Variants in DPP9 observed in about 807,000 individuals in gnomAD.
DPP9 encodes dipeptidyl peptidase 9, also known as dipeptidyl peptidase IV-related protein-2.
A neutral mutation model predicts 110.7 loss-of-function variants in DPP9; 50 were observed. That is an observed-to-expected ratio of 0.45 (90% CI 0.36 to 0.57). The LOEUF (loss-of-function observed/expected upper bound fraction) is 0.57. DPP9 is among the 20% of genes least tolerant of loss of function. DPP9 has a pLI of 0.00. For synonymous variants in DPP9, 561 were observed against 514.4 expected (o/e 1.09, Z -1.23); for missense variants, 1,022 against 1,217.9 (o/e 0.84, Z 2.39).
rs751982618 is a variant in DPP9 at position 4,695,129 on chromosome 19, C to T, written c.1353+249G>A. ...CCACACCACTGCACTCTAGTCTGGG[C>T]AACAGAGCAACCCTGTCTCTAATTA... On this transcript the variant is annotated intron_variant, in intron 12 of 21. Transcript: ENST00000262960. This position sits in a 1 kb window ranked among gnomAD's most constrained non-coding sequence, Gnocchi z 4.7. 6.9e-6 allele frequency: 4 copies of T among 578,482 alleles called. No homozygotes were observed. In the South Asian group the frequency reaches 9.0e-5, roughly 13 times the overall value. 35.8% of individuals were successfully genotyped at this position (578,482 alleles called of 1,614,324 possible). A position where few individuals can be genotyped will look rare whatever the true frequency, so the allele number is the denominator to read the frequency against.
At chr19:4,701,120 C>T (rs6510821) in intron 9 of DPP9, among the ~76,000 whole-genome samples, 15,666 of 152,184 alleles carry the variant, frequency 0.1, 938 homozygotes, top group Middle Eastern at 0.18. Flanking sequence ...ATCTGGGCTG[C>T]ACGTGTGTTC....
At chr19:4,690,835 C>T (rs377605125) in intron 14 of DPP9, 43 bp downstream of exon 14, 4 of 1,502,500 alleles carry the variant, frequency 2.7e-6, no homozygotes, top group Non-Finnish European at 3.7e-6. Context: ...GTGTAAAACA[C>T]ACATGCATGG....
intron 19 of DPP9, chr19:4,683,119 G>A (rs1400279157): frequency 5.4e-6 from 8 of 1,471,628 alleles, no homozygotes; most frequent in East Asian, 5.6e-5. Flanking sequence ...CCTCCTCATC[G>A]CCGCCGCCCC....
intron 15 of DPP9, 92 bp from the exon 16 acceptor site, chr19:4,688,984 G>T (rs887229752): frequency 5.5e-5 from 67 of 1,214,994 alleles, no homozygotes; most frequent in Non-Finnish European, 6.4e-5. Context: ...CTTCCCTCCC[G>T]CCCGCCCCCA....
At position 4,698,908 on chromosome 19, in the gene DPP9, CA is replaced by C. The variant is rs1488292226; in HGVS notation, c.1075-1258del. Among the ~76,000 whole-genome samples the C allele has an allele frequency of 5.3e-5, 8 of 152,170 alleles. No homozygotes were observed. The East Asian group carries it at 1.5e-3, about 29-fold the overall frequency. On this transcript the variant is annotated intron_variant, in intron 10 of 21. Coordinates refer to ENST00000262960, the MANE Select transcript of DPP9 (RefSeq NM_139159.5). This position sits in a 1 kb window ranked among gnomAD's most constrained non-coding sequence, Gnocchi z 4.2. ...GTGTGGTGGCTCACACCTGTAATCC[CA>C]ACACTTTGGGAGGCCGAGGCGGGCG...
In DPP9 at chr19:4,687,868, G is replaced by C. The variant is rs1190913796; in HGVS notation, c.1885+889C>G. Among the ~76,000 whole-genome samples, 1 of 152,116 alleles carries C rather than the reference G, an allele frequency of 6.6e-6. No homozygotes were observed. Among genetic ancestry groups the C allele is most frequent in the East Asian group, 1.9e-4 (1 of 5,192 alleles). The stretch of plus-strand genomic sequence containing the variant: ...GCTAAAGTACAGTGGTGCGATCTCA[G>C]CTCACTGCAACCTCTGTGTCCTGGG... On this transcript the variant is annotated intron_variant, in intron 16 of 21. Transcript: ENST00000262960. The surrounding 1 kb of genome is among the most constrained non-coding windows in gnomAD (Gnocchi z 4.7).
In DPP9 at chr19:4,676,466, C is replaced by A. The variant is rs1386849348; in HGVS notation, c.*98G>T. On this transcript the variant is annotated 3_prime_UTR_variant, in exon 22 of 22. Transcript: ENST00000262960. This position sits in a 1 kb window ranked among gnomAD's most constrained non-coding sequence, Gnocchi z 4.0. Reference sequence around the variant, plus strand: ...GCCAGCGCTGGGCGGGACAAAGTGCCTCACTGGGGCCCGCGGGCCACTCAG... The same window carrying A: ...GCCAGCGCTGGGCGGGACAAAGTGCATCACTGGGGCCCGCGGGCCACTCAG... 16 of 1,079,458 alleles carry A rather than the reference C, an allele frequency of 1.5e-5. No homozygotes were observed. The Admixed American group carries it at 3.2e-4, about 22-fold the overall frequency. 66.9% of individuals were successfully genotyped at this position (1,079,458 alleles called of 1,614,324 possible). A position where few individuals can be genotyped will look rare whatever the true frequency, so the allele number is the denominator to read the frequency against.
In DPP9 at chr19:4,704,079, G is replaced by C; in HGVS notation, c.601-25C>G. 6.2e-7 allele frequency: 1 copy of C among 1,613,658 alleles called. No homozygotes were observed. Among genetic ancestry groups the C allele is most frequent in the Non-Finnish European group, 8.5e-7 (1 of 1,179,676 alleles). The stretch of plus-strand genomic sequence containing the variant: ...CCTGAGGACAGAGACGCCCAGCTCA[G>C]GGGGAGGGGCCCTCCACGCCACCCC... On this transcript the variant is annotated intron_variant, in intron 6 of 21. Transcript: ENST00000262960. The surrounding 1 kb of genome is among the most constrained non-coding windows in gnomAD (Gnocchi z 6.0).
In DPP9 at chr19:4,688,366, C is replaced by T. The variant is rs2090991287; in HGVS notation, c.1885+391G>A. The T allele has an allele frequency of 2.1e-5, 4 of 192,924 alleles. No individual in the cohort carries two copies. The East Asian group carries it at 4.8e-4, about 23-fold the overall frequency. The allele number at this position is 192,924 out of a possible 1,614,324, so 12.0% of individuals were successfully genotyped here. A position where few individuals can be genotyped will look rare whatever the true frequency, so the allele number is the denominator to read the frequency against. On this transcript the variant is annotated intron_variant, in intron 16 of 21. Transcript: ENST00000262960. The stretch of plus-strand genomic sequence containing the variant: ...GCAAGCAATCCTCCTGCCTTGGCCT[C>T]CCAAAGCATTGGGATTACAGGCAGA...
At chr19:4,692,762 A>G (rs1442983025) in intron 13 of DPP9, among the ~76,000 whole-genome samples, 1 of 152,144 alleles carries the variant, frequency 6.6e-6, no homozygotes, top group Non-Finnish European at 1.5e-5. Context: ...GAGCATTTAC[A>G]TGAAATCCCA....
chr19:4,719,752 G>C, intron 3 of DPP9, 99 bp downstream of exon 3: 1 of 1,380,388 alleles, frequency 7.2e-7, no homozygotes, highest in Non-Finnish European at 1.0e-6. Flanking sequence ...GGAAGCCAGG[G>C]GAGAGGGAAA....
At chr19:4,677,014 T>C (rs2145224018) in intron 21 of DPP9, among the ~76,000 whole-genome samples, 1 of 152,296 alleles carries the variant, frequency 6.6e-6, no homozygotes, top group South Asian at 2.1e-4. Flanking sequence ...GGCTGAGGCT[T>C]CAAGCCTCAG....
chr19:4,682,505 G>T lies in DPP9; in HGVS notation c.2474+191C>A, dbSNP rs2090044052. 6.6e-6 allele frequency among the ~76,000 whole-genome samples: 1 copy of T among 152,138 alleles called. No homozygotes were observed. The highest frequency in any genetic ancestry group is 1.5e-5 in the Non-Finnish European group (1 of 68,000). ...CCTGCAAGGTGCAGTGAGGAGGGAGGGTGGGCTGGAGGGGACTGTGAGGCA... is the reference window on the plus strand; with the variant it reads ...CCTGCAAGGTGCAGTGAGGAGGGAGTGTGGGCTGGAGGGGACTGTGAGGCA... On this transcript the variant is annotated intron_variant, in intron 20 of 21. Transcript: ENST00000262960. The surrounding 1 kb of genome is among the most constrained non-coding windows in gnomAD (Gnocchi z 7.1).
intron 20 of DPP9, among the ~76,000 whole-genome samples, chr19:4,681,100 G>T (rs2089810307): frequency 6.6e-6 from 1 of 152,186 alleles, no homozygotes; most frequent in Admixed American, 6.5e-5. Flanking sequence ...GTGGCCACAC[G>T]TCGCCGTTGA....
chr19:4,701,200 G>A (rs1219526687), intron 9 of DPP9, among the ~76,000 whole-genome samples: 1 of 152,202 alleles, frequency 6.6e-6, no homozygotes, highest in African/African-American at 2.4e-5. Context: ...CGGGCGTGTG[G>A]CTCACGTCTG....
intron 13 of DPP9, among the ~76,000 whole-genome samples, chr19:4,692,664 G>C (rs1425708165): frequency 2.0e-5 from 3 of 152,156 alleles, no homozygotes; most frequent in Non-Finnish European, 2.9e-5. Flanking sequence ...TGTGCCCCTG[G>C]AGAGTGGCAG....
rs1249150226 is a variant in DPP9, at chr19:4,685,659, G to T, written c.1998C>A (p.His666Gln). 6.2e-7 allele frequency: 1 copy of T among 1,611,898 alleles called. No homozygotes were observed. The highest frequency in any genetic ancestry group is 8.5e-7 in the Non-Finnish European group (1 of 1,179,266). ...CTCCATATACAAAGAGGACGGTGGG[G>T]TGCTTCTTCCCTGGCTGCAAGGCGT... is the stretch of plus-strand genomic sequence containing the variant. The part of the protein sequence containing the change: ...KPHALQPGKK[H>Q]PTVLFVYGGP... Residue 666 changes from histidine to glutamine, a missense_variant, in exon 17 of 22, where the codon CAC becomes CAA. Physicochemically the swap from His to Gln is conservative, Grantham distance 24. Transcript: ENST00000262960. The surrounding 1 kb of genome is among the most constrained non-coding windows in gnomAD (Gnocchi z 5.8).
chr19:4,684,677 G>A lies in DPP9; in HGVS notation c.2164C>T (p.Leu722=), dbSNP rs768529700. The change falls in exon 18 of 22, where the codon CTG becomes TTG. Residue 722 remains leucine (L), a synonymous_variant. Transcript: ENST00000262960. This position sits in a 1 kb window ranked among gnomAD's most constrained non-coding sequence, Gnocchi z 4.8. ...CQRGLRFEGA[L]KNQMGQVEIE... ...GGAGTTGTTACCATTTGGTTTTTCA[G>A]GGCCCCTTCGAACCGAAGCCCTCGC... 8.1e-6 allele frequency: 13 copies of A among 1,613,024 alleles called. No individual in the cohort carries two copies. In the East Asian group the frequency reaches 2.9e-4, roughly 36 times the overall value.
Position 4,700,239 on chromosome 19 carries a change from A to T in DPP9, c.1051T>A (p.Phe351Ile), listed in dbSNP as rs776614867. Reference protein sequence around the residue: ...NPKIALKLAEFQTDSQGKIVS... With the variant: ...NPKIALKLAEIQTDSQGKIVS... Reference sequence around the variant, plus strand: ...ACCTTGCCCTGGCTGTCAGTCTGGAACTCAGCCAGTTTCAAGGCAATCTTG... The same window carrying T: ...ACCTTGCCCTGGCTGTCAGTCTGGATCTCAGCCAGTTTCAAGGCAATCTTG... The change falls in exon 10 of 22, where the codon TTC (phenylalanine) becomes ATC (isoleucine). Residue 351 changes from phenylalanine (F) to isoleucine (I), a missense_variant. Physicochemically the swap from Phe to Ile is conservative, Grantham distance 21. Transcript: ENST00000262960. This position sits in a 1 kb window ranked among gnomAD's most constrained non-coding sequence, Gnocchi z 4.3. 6.3e-6 allele frequency: 10 copies of T among 1,597,696 alleles called. No homozygotes were observed. Among genetic ancestry groups the T allele is most frequent in the Non-Finnish European group, 6.8e-6 (8 of 1,169,704 alleles).
Sources: allele counts gnomAD v4.1 joint callset (sites outside exome capture counted in the v4.1 genomes callset), GRCh38; gene constraint gnomAD v4.1.1; non-coding constraint Gnocchi (gnomAD v3.1); transcripts MANE v1.5; gene names NCBI Gene and HGNC (gene_info 2026-07-23, HGNC 2026-07-21).